IFT80: variants seen among roughly 807,000 people sequenced by gnomAD.
The protein encoded by IFT80 is intraflagellar transport protein 80 homolog.
Under a neutral mutation model 107.9 loss-of-function variants are expected in IFT80, and 79 were observed. The ratio of observed to expected loss-of-function variants is 0.73; its 90% CI spans 0.61 to 0.88. The LOEUF (loss-of-function observed/expected upper bound fraction) is 0.88, where lower values mean the gene tolerates loss of function less well. Among genes scored for constraint, IFT80 ranks in the 40% least tolerant of loss-of-function variants. The pLI is 0.00. For synonymous variants in IFT80, 299 were observed against 300.9 expected (o/e 0.99, Z 0.07); for missense variants, 797 against 914.2 (o/e 0.87, Z 1.65).
chr3:160,354,804 T>C (rs1264188991), intron 8 of IFT80, among the ~76,000 whole-genome samples: 2 of 152,264 alleles, frequency 1.3e-5, no homozygotes, highest in South Asian at 2.1e-4. Flanking sequence ...TCAATGTGAG[T>C]TGAACACACT....
At chr3:160,268,559 T>A in intron 18 of IFT80, 23 bp from the exon 19 acceptor site, 3 of 1,610,050 alleles carry the variant, frequency 1.9e-6, no homozygotes, top group Non-Finnish European at 2.5e-6. Context: ...ATAAAACAGA[T>A]TATTAACATT....
At chr3:160,343,380 A>G (rs1254144912) in intron 8 of IFT80, among the ~76,000 whole-genome samples, 1 of 152,178 alleles carries the variant, frequency 6.6e-6, no homozygotes, top group Non-Finnish European at 1.5e-5. Context: ...ATGTCAGTTA[A>G]TTAAAAATAA....
chr3:160,351,867 T>C (rs576702152), intron 8 of IFT80, among the ~76,000 whole-genome samples: 2 of 152,084 alleles, frequency 1.3e-5, no homozygotes, highest in Non-Finnish European at 2.9e-5. Context: ...GATAATTCAA[T>C]GAATGAAAGT....
intron 8 of IFT80, among the ~76,000 whole-genome samples, chr3:160,328,526 G>C (rs1488347119): frequency 2.0e-5 from 3 of 150,974 alleles, no homozygotes; most frequent in Admixed American, 2.0e-4. Flanking sequence ...ACAGAAAAAG[G>C]AATGGTTTTA....
intron 8 of IFT80, among the ~76,000 whole-genome samples, chr3:160,321,081 G>A (rs995653191): frequency 2.0e-5 from 3 of 151,708 alleles, no homozygotes; most frequent in African/African-American, 7.3e-5. Flanking sequence ...AGAAGATAAT[G>A]AACAAACCAT....
At chr3:160,279,963 GAC>G (rs1467905048) in intron 15 of IFT80, among the ~76,000 whole-genome samples, 31 of 152,074 alleles carry the variant, frequency 2.0e-4, no homozygotes, top group African/African-American at 7.5e-4. Context: ...TAAATAAAAA[GAC>G]TAATTTTTTT....
At chr3:160,312,698 AATATATAATATATAAT>A (rs1325504124) in intron 9 of IFT80, among the ~76,000 whole-genome samples, 3 of 42,642 alleles carry the variant, frequency 7.0e-5, no homozygotes, top group African/African-American at 2.3e-4. Flanking sequence ...ATTATATATA[AATATATAATATATAAT>A]ATATATAATA....
At chr3:160,392,353 T>G (rs1430730235) in intron 1 of IFT80, among the ~76,000 whole-genome samples, 1 of 152,196 alleles carries the variant, frequency 6.6e-6, no homozygotes, top group Non-Finnish European at 1.5e-5. Context: ...AACTACTAAT[T>G]TCATATTTCT....
Position 160,395,705 on chromosome 3 carries a change from G to A in IFT80, c.-47+3441C>T, listed in dbSNP as rs555929495. Among the ~76,000 whole-genome samples the A allele has an allele frequency of 8.5e-5, 13 of 152,264 alleles. No homozygotes were observed. In the East Asian group the frequency reaches 2.1e-3, roughly 25 times the overall value. ...CAAAAGGTGCTAGAGGCCATCATAC[G>A]GAACCTGAAAATACTGCCAACACAA... On this transcript the variant is annotated intron_variant, in intron 1 of 19. Coordinates refer to ENST00000326448, the MANE Select transcript of IFT80 (RefSeq NM_020800.3).
intron 8 of IFT80, among the ~76,000 whole-genome samples, chr3:160,330,713 TC>T (rs559387798): frequency 1.2e-3 from 178 of 152,224 alleles, no homozygotes; most frequent in African/African-American, 4.2e-3. Context: ...ATGACCACAC[TC>T]TGAGAATGAC....
At chr3:160,307,910 T>TC in intron 9 of IFT80, 129 bp from the exon 10 acceptor site, 1 of 651,764 alleles carries the variant, frequency 1.5e-6, no homozygotes, top group Non-Finnish European at 2.7e-6. Context: ...TAAAAAAGAA[T>TC]TTAATAGAAA....
chr3:160,356,037 A>T lies in IFT80; in HGVS notation c.753T>A (p.Thr251=), dbSNP rs779028667. 22 of 1,614,024 alleles carry T rather than the reference A, an allele frequency of 1.4e-5. No individual in the cohort carries two copies. Among genetic ancestry groups the T allele is most frequent in the Non-Finnish European group, 1.8e-5 (21 of 1,179,980 alleles). Residue 251 remains threonine, a synonymous_variant, in exon 8 of 20, where the codon ACT becomes ACA. Coordinates refer to ENST00000326448, the MANE Select transcript of IFT80 (RefSeq NM_020800.3). ...CCCCAGTTTTATCACACAAGCGTAAAGTATGAAACGATCCAACAGCAAATA... is the reference window on the plus strand; with the variant it reads ...CCCCAGTTTTATCACACAAGCGTAATGTATGAAACGATCCAACAGCAAATA... ...GELFAVGSFH[T]LRLCDKTGWS...
chr3:160,302,038 C>A (rs1323867356), intron 11 of IFT80, among the ~76,000 whole-genome samples: 2 of 151,928 alleles, frequency 1.3e-5, no homozygotes, highest in Non-Finnish European at 2.9e-5. Context: ...TTAAATATAT[C>A]TTGTTTTATT....
chr3:160,397,980 C>T (rs13070513), intron 1 of IFT80, among the ~76,000 whole-genome samples: 148,513 of 152,192 alleles, frequency 0.98, 72,469 homozygotes, highest in East Asian at 1. Context: ...TTGATACCTC[C>T]CCAACTCAGG....
At chr3:160,398,160 A>G (rs1713989086) in intron 1 of IFT80, among the ~76,000 whole-genome samples, 1 of 152,200 alleles carries the variant, frequency 6.6e-6, no homozygotes, top group Non-Finnish European at 1.5e-5. Context: ...TCAAACATAA[A>G]GATATATCAC....
rs901815416 is a variant in IFT80 at position 160,268,427 on chromosome 3, G to A, written c.2209C>T (p.His737Tyr). Reference sequence around the variant, plus strand: ...GAAATACTTACACCTTCTGCATAATGCAAGTATCGTTTATTAGTTTCCTGT... The same window carrying A: ...GAAATACTTACACCTTCTGCATAATACAAGTATCGTTTATTAGTTTCCTGT... Reference protein sequence around the residue: ...GKQETNKRYLHYAEGLQIDWE... With the variant: ...GKQETNKRYLYYAEGLQIDWE... Residue 737 changes from histidine (H) to tyrosine (Y), a missense_variant, in exon 19 of 20, where the codon CAT (histidine) becomes TAT (tyrosine). Transcript: ENST00000326448. 2 of 1,612,378 alleles carry A rather than the reference G, an allele frequency of 1.2e-6. No individual in the cohort carries two copies. The highest frequency in any genetic ancestry group is 2.7e-5 in the African/African-American group (2 of 74,870).
At position 160,375,766 on chromosome 3, in the gene IFT80, G is replaced by T. The variant is rs775776969; in HGVS notation, c.439+46C>A. 16 of 1,296,908 alleles carry T rather than the reference G, an allele frequency of 1.2e-5. No homozygotes were observed. The African/African-American group carries it at 1.6e-4, about 13-fold the overall frequency. 80.3% of individuals were successfully genotyped at this position (1,296,908 alleles called of 1,614,324 possible). On this transcript the variant is annotated intron_variant, in intron 5 of 19. Coordinates refer to ENST00000326448, the MANE Select transcript of IFT80 (RefSeq NM_020800.3). Reference sequence around the variant, plus strand: ...TAAAGGAAAACTTTAAGGCATTTTTGTATTGTATAATTTGCAAAAATGAAA... The same window carrying T: ...TAAAGGAAAACTTTAAGGCATTTTTTTATTGTATAATTTGCAAAAATGAAA...
intron 3 of IFT80, chr3:160,377,931 A>G (rs1012112068): frequency 3.2e-5 from 5 of 155,984 alleles, no homozygotes; most frequent in African/African-American, 1.2e-4. Context: ...GCTGTATATT[A>G]CTAGACTTAA....
intron 18 of IFT80, among the ~76,000 whole-genome samples, chr3:160,270,337 T>C (rs1000508100): frequency 2.6e-5 from 4 of 152,224 alleles, no homozygotes; most frequent in Non-Finnish European, 5.9e-5. Flanking sequence ...AAATAGTCAC[T>C]TTAAAAAGTA....
Sources: gnomAD v4.1 joint callset for allele counts (sites outside exome capture counted in the v4.1 genomes callset) on GRCh38, gnomAD v4.1.1 for gene constraint, MANE v1.5 for transcripts, NCBI Gene and HGNC (gene_info 2026-07-23, HGNC 2026-07-21) for gene names.